The following LRCH3 variants were observed in gnomAD, a reference collection of about 807,000 sequenced individuals.
The protein encoded by LRCH3 is DISP complex protein LRCH3.
In LRCH3, 68 loss-of-function variants were observed where a neutral mutation model predicts 104.5. The observed-to-expected ratio is 0.65, with a 90% CI of 0.54 to 0.80. LRCH3 has a LOEUF of 0.80. LRCH3 is among the 30% of genes least tolerant of loss of function. The pLI is 0.00. For synonymous variants in LRCH3, 344 were observed against 361.3 expected (o/e 0.95, Z 0.54); for missense variants, 951 against 953.9 (o/e 1.00, Z 0.04).
At chr3:197,875,313 C>T (rs1385056766) in intron 19 of LRCH3, among the ~76,000 whole-genome samples, 1 of 152,144 alleles carries the variant, frequency 6.6e-6, no homozygotes, top group Non-Finnish European at 1.5e-5. Context: ...TAGTCTACAG[C>T]ATTGAGAGTT....
Position 197,854,980 on chromosome 3 carries a change from T to A in LRCH3, c.1644+535T>A, listed in dbSNP as rs1740061050. ...CTGATCGTGTTGAACACTGGCTTAC[T>A]TTTATTGCCTGTTTCATCAGCTCAA... On this transcript the variant is annotated intron_variant, in intron 14 of 20. Coordinates refer to ENST00000425562, the MANE Select transcript of LRCH3 (RefSeq NM_001365715.1). The surrounding 1 kb of genome is among the most constrained non-coding windows in gnomAD (Gnocchi z 4.5). 6.6e-6 allele frequency among the ~76,000 whole-genome samples: 1 copy of A among 152,256 alleles called. No homozygotes were observed. Among genetic ancestry groups the A allele is most frequent in the Non-Finnish European group, 1.5e-5 (1 of 68,040 alleles).
intron 1 of LRCH3, among the ~76,000 whole-genome samples, chr3:197,807,424 G>T (rs1560526378): frequency 6.6e-6 from 1 of 151,774 alleles, no homozygotes; most frequent in East Asian, 2.0e-4. Context: ...GGTTTCACCG[G>T]GTTAGCCAGG....
At chr3:197,874,533 C>T (rs1234287347) in intron 19 of LRCH3, among the ~76,000 whole-genome samples, 1 of 152,008 alleles carries the variant, frequency 6.6e-6, no homozygotes, top group African/African-American at 2.4e-5. Flanking sequence ...TTATATATTA[C>T]AATGTAATAA....
intron 1 of LRCH3, among the ~76,000 whole-genome samples, chr3:197,803,942 A>T (rs1252760500): frequency 6.6e-6 from 1 of 152,136 alleles, no homozygotes; most frequent in Non-Finnish European, 1.5e-5. Flanking sequence ...CAAATTGAAT[A>T]CTTTCAACAT....
At chr3:197,850,360 T>TC in intron 12 of LRCH3, 1 of 927,354 alleles carries the variant, frequency 1.1e-6, no homozygotes, top group East Asian at 2.6e-5. Context: ...TCTTTTTTTT[T>TC]TTTTTTTTCC....
intron 15 of LRCH3, among the ~76,000 whole-genome samples, chr3:197,862,985 TTTATTTA>T (rs1741059071): frequency 1.5e-5 from 2 of 137,156 alleles, no homozygotes; most frequent in African/African-American, 7.4e-5. Context: ...CCTTGGTTTA[TTTATTTA>T]TTATTTATTT....
intron 12 of LRCH3, among the ~76,000 whole-genome samples, chr3:197,851,565 C>A (rs1247048852): frequency 1.3e-5 from 2 of 152,210 alleles, no homozygotes; most frequent in Non-Finnish European, 2.9e-5. Context: ...TTGAATCCAG[C>A]TTTGCCACTT....
At chr3:197,835,500 A>T (rs796835316) in intron 8 of LRCH3, among the ~76,000 whole-genome samples, 174 bp from the exon 9 acceptor site, 4,747 of 144,834 alleles carry the variant, frequency 0.033, 121 homozygotes, top group Non-Finnish European at 0.042. Context: ...AAATGGGTAA[A>T]AAAAAAAAAA....
Position 197,884,657 on chromosome 3 carries a change from G to C in LRCH3, c.*991G>C, listed in dbSNP as rs185562652. The C allele has an allele frequency of 2.0e-5, 3 of 152,274 alleles. No homozygotes were observed. The highest frequency in any genetic ancestry group is 7.2e-5 in the African/African-American group (3 of 41,466). The allele number at this position is 152,274 out of a possible 1,614,324, so 9.4% of individuals were successfully genotyped here. A position where few individuals can be genotyped will look rare whatever the true frequency, so the allele number is the denominator to read the frequency against. ...CAAAGCTAGATATTTGTATGTTTGC[G>C]GGGGAGGGTAATGGCCCCCTGCATT... On this transcript the variant is annotated 3_prime_UTR_variant, in exon 21 of 21. Coordinates refer to ENST00000425562, the MANE Select transcript of LRCH3 (RefSeq NM_001365715.1).
intron 20 of LRCH3, among the ~76,000 whole-genome samples, chr3:197,879,831 C>CTT (rs778621543): frequency 3.5e-5 from 5 of 142,072 alleles, no homozygotes; most frequent in African/African-American, 7.7e-5. Flanking sequence ...TTCTGACCTA[C>CTT]TTTTTTTTTT....
intron 7 of LRCH3, among the ~76,000 whole-genome samples, chr3:197,831,821 A>G (rs930685793): frequency 8.6e-5 from 13 of 151,990 alleles, no homozygotes; most frequent in African/African-American, 2.2e-4. Flanking sequence ...TGCTCTCCCT[A>G]TATTGCCCAG....
At chr3:197,820,497 A>G (rs763001606) in intron 4 of LRCH3, 67 bp downstream of exon 4, 43 of 1,105,324 alleles carry the variant, frequency 3.9e-5, no homozygotes, top group African/African-American at 9.5e-5. Flanking sequence ...TCTCAGACCA[A>G]TCAAGACAAA....
In LRCH3 at chr3:197,829,568, G is replaced by A; in HGVS notation, c.782G>A (p.Cys261Tyr). ...NPLQSPPAQI[C>Y]IKGKVHIFKY... ...CATCTGTGTGACTTTATTTAGATAT[G>A]TATAAAAGGCAAAGTCCACATATTT... The change falls in exon 6 of 21, where the codon TGT (cysteine) becomes TAT (tyrosine). Residue 261 changes from cysteine to tyrosine, a missense_variant. Transcript: ENST00000425562. The A allele has an allele frequency of 6.2e-7, 1 of 1,604,558 alleles. No individual in the cohort carries two copies.
chr3:197,836,867 G>A (rs751611273), intron 9 of LRCH3, among the ~76,000 whole-genome samples: 6 of 151,886 alleles, frequency 4.0e-5, no homozygotes, highest in African/African-American at 9.7e-5. Context: ...TAGTAGAGAC[G>A]GGGTTTCACC....
chr3:197,883,323 A>G lies in LRCH3; in HGVS notation c.2209-218A>G. On this transcript the variant is annotated intron_variant, in intron 20 of 20. Coordinates refer to ENST00000425562, the MANE Select transcript of LRCH3 (RefSeq NM_001365715.1). The surrounding 1 kb of genome is among the most constrained non-coding windows in gnomAD (Gnocchi z 4.2). ...TGTCAATTTTCCAATTTTGAAAATG[A>G]TCTGTATGTACTTTTAGTTGTATTA... 2 of 1,329,852 alleles carry G rather than the reference A, an allele frequency of 1.5e-6. No homozygotes were observed. The highest frequency in any genetic ancestry group is 1.9e-6 in the Non-Finnish European group (2 of 1,039,622). 82.4% of individuals were successfully genotyped at this position (1,329,852 alleles called of 1,614,324 possible).
At chr3:197,845,418 A>G (rs1738517124) in intron 10 of LRCH3, among the ~76,000 whole-genome samples, 1 of 151,744 alleles carries the variant, frequency 6.6e-6, no homozygotes, top group Non-Finnish European at 1.5e-5. Flanking sequence ...AAAAAAAAAA[A>G]AAAAGAAAGA....
At chr3:197,845,042 C>T (rs988503935) in intron 10 of LRCH3, among the ~76,000 whole-genome samples, 4 of 152,098 alleles carry the variant, frequency 2.6e-5, no homozygotes, top group Non-Finnish European at 5.9e-5. Context: ...GGACGGGACG[C>T]AGATTGGATT....
chr3:197,828,020 T>C (rs1479153233), intron 5 of LRCH3, among the ~76,000 whole-genome samples: 1 of 144,918 alleles, frequency 6.9e-6, no homozygotes, highest in Non-Finnish European at 1.5e-5. Context: ...GAGGCTGCAG[T>C]GAGCTGAGAT....
chr3:197,795,900 C>A (rs1050164790), intron 1 of LRCH3, among the ~76,000 whole-genome samples: 1 of 151,806 alleles, frequency 6.6e-6, no homozygotes, highest in Non-Finnish European at 1.5e-5. Flanking sequence ...ACCATATTGG[C>A]CAGGCTGGTC....
Sources: gnomAD v4.1 joint callset for allele counts (sites outside exome capture counted in the v4.1 genomes callset) on GRCh38, gnomAD v4.1.1 for gene constraint, Gnocchi (gnomAD v3.1) non-coding constraint, MANE v1.5 for transcripts, NCBI Gene and HGNC (gene_info 2026-07-23, HGNC 2026-07-21) for gene names.